NSUN6: variants seen among roughly 807,000 people sequenced by gnomAD.
The protein encoded by NSUN6 is NOP2/Sun RNA methyltransferase 6, also known as tRNA (cytosine(72)-C(5))-methyltransferase NSUN6.
In NSUN6, 64 loss-of-function variants were observed where a neutral mutation model predicts 58.0. That is an observed-to-expected ratio of 1.10 (90% CI 0.90 to 1.36). The LOEUF (loss-of-function observed/expected upper bound fraction) is 1.36. Among genes scored for constraint, NSUN6 ranks in the 40% most tolerant of loss-of-function variants. NSUN6 has a pLI of 0.00. For synonymous variants in NSUN6, 231 were observed against 193.9 expected, an observed-to-expected ratio of 1.19 and a Z score of -1.59; for missense variants, 701 against 550.1, an observed-to-expected ratio of 1.27 and a Z score of -2.74.
At chr10:18,568,632 A>C (rs1020131901) in intron 8 of NSUN6, among the ~76,000 whole-genome samples, 8 of 147,578 alleles carry the variant, frequency 5.4e-5, no homozygotes, top group Admixed American at 4.8e-4. Flanking sequence ...TCTCCATTCC[A>C]TTCCATTCTC....
rs771964728 is a variant in NSUN6 at position 18,596,170 on chromosome 10, C to G, written c.777+38G>C. ...GAAATTACACATTGTGAAATATACA[C>G]TACTTTGAGAGTGGATTTGCTGTGA... On this transcript the variant is annotated intron_variant, in intron 7 of 10. Coordinates refer to ENST00000377304, the MANE Select transcript of NSUN6 (RefSeq NM_182543.5). 7 of 1,557,110 alleles carry G rather than the reference C, an allele frequency of 4.5e-6. No homozygotes were observed. In the South Asian group the frequency reaches 7.8e-5, roughly 17 times the overall value.
chr10:18,606,944 A>G (rs971264966), intron 6 of NSUN6, among the ~76,000 whole-genome samples: 1 of 152,170 alleles, frequency 6.6e-6, no homozygotes, highest in Admixed American at 6.5e-5. Flanking sequence ...CATCTTCCAT[A>G]TTAGATCTAA....
At position 18,607,980 on chromosome 10, in the gene NSUN6, C is replaced by G. The variant is rs960917220; in HGVS notation, c.657+1865G>C. Among the ~76,000 whole-genome samples, 57 of 152,178 alleles carry G rather than the reference C, an allele frequency of 3.7e-4. 2 individuals are homozygous for G. On this transcript the variant is annotated intron_variant, in intron 6 of 10. Transcript: ENST00000377304. ...AGCTCAGTACATGGACTACAATAAG[C>G]AGTCAGTGTTAGCTGTGATTACCAT...
chr10:18,560,010 G>A (rs914041173), intron 8 of NSUN6, among the ~76,000 whole-genome samples: 8 of 149,828 alleles, frequency 5.3e-5, no homozygotes, highest in Non-Finnish European at 8.9e-5. Context: ...GGAATGCAAT[G>A]GAGAATGGAA....
intron 7 of NSUN6, among the ~76,000 whole-genome samples, chr10:18,591,856 A>G (rs11492557): frequency 0.048 from 7,377 of 152,254 alleles, 275 homozygotes; most frequent in Non-Finnish European, 0.077. Flanking sequence ...TAGTATTGGA[A>G]GCTCTGGCCA....
At chr10:18,602,931 G>C (rs988682451) in intron 6 of NSUN6, among the ~76,000 whole-genome samples, 1 of 152,160 alleles carries the variant, frequency 6.6e-6, no homozygotes, top group African/African-American at 2.4e-5. Context: ...GCTAATATCA[G>C]ACTAATAAAC....
intron 6 of NSUN6, among the ~76,000 whole-genome samples, chr10:18,604,865 G>A (rs572140606): frequency 1.3e-5 from 2 of 151,144 alleles, no homozygotes; most frequent in African/African-American, 4.8e-5. Context: ...CAGCCTGGGT[G>A]ACAGAGCAAG....
chr10:18,609,251 C>G (rs1450275147), intron 6 of NSUN6, among the ~76,000 whole-genome samples: 1 of 152,110 alleles, frequency 6.6e-6, no homozygotes, highest in South Asian at 2.1e-4. Context: ...TTTGAGGTTA[C>G]AGTGAGCTAC....
At chr10:18,610,294 G>C (rs1410581978) in intron 5 of NSUN6, among the ~76,000 whole-genome samples, 1 of 152,074 alleles carries the variant, frequency 6.6e-6, no homozygotes, top group Non-Finnish European at 1.5e-5. Context: ...GTTGCAGTGA[G>C]CCAAGATCGC....
At chr10:18,596,834 T>C (rs1407072732) in intron 6 of NSUN6, among the ~76,000 whole-genome samples, 3 of 152,182 alleles carry the variant, frequency 2.0e-5, no homozygotes, top group Non-Finnish European at 2.9e-5. Context: ...AATCTCAGCA[T>C]TGTTCACTTT....
At chr10:18,548,758 A>G (rs1206270104) in intron 9 of NSUN6, among the ~76,000 whole-genome samples, 1 of 152,104 alleles carries the variant, frequency 6.6e-6, no homozygotes, top group African/African-American at 2.4e-5. Flanking sequence ...TTTCTATAAT[A>G]CTATCAAACT....
chr10:18,609,180 G>A (rs1001737900), intron 6 of NSUN6, among the ~76,000 whole-genome samples: 5 of 152,094 alleles, frequency 3.3e-5, no homozygotes, highest in African/African-American at 1.2e-4. Flanking sequence ...GCATAGTAGT[G>A]CACACCTGTG....
intron 1 of NSUN6, among the ~76,000 whole-genome samples, chr10:18,650,547 G>A (rs998674182): frequency 2.6e-5 from 4 of 152,128 alleles, no homozygotes; most frequent in Non-Finnish European, 5.9e-5. Context: ...ATGTGCCTGA[G>A]ATTCAAAAGC....
intron 3 of NSUN6, among the ~76,000 whole-genome samples, chr10:18,625,746 A>G (rs1259227764): frequency 2.7e-5 from 4 of 148,036 alleles, no homozygotes; most frequent in Non-Finnish European, 6.0e-5. Context: ...AAAAAAAAAA[A>G]AAGATAAAGA....
chr10:18,628,495 T>A (rs920224410), intron 3 of NSUN6, among the ~76,000 whole-genome samples: 13 of 152,260 alleles, frequency 8.5e-5, no homozygotes, highest in African/African-American at 2.6e-4. Context: ...GCATTGAAGT[T>A]GAAAACTTTG....
chr10:18,609,904 C>T lies in NSUN6; in HGVS notation c.598G>A (p.Glu200Lys). 2 of 1,602,034 alleles carry T rather than the reference C, an allele frequency of 1.2e-6. No homozygotes were observed. Among genetic ancestry groups the T allele is most frequent in the Non-Finnish European group, 8.6e-7 (1 of 1,169,164 alleles). ...ELKGMGIRMT[E>K]PVYLSPSFDS... The stretch of plus-strand genomic sequence containing the variant: ...AATGAAGGGCTGAGATATACTGGTT[C>T]TGTCATTCTTATGCCCATGCCTCTG... The change falls in exon 6 of 11, where the codon GAA (glutamate) becomes AAA (lysine). Residue 200 changes from glutamate (E) to lysine (K), a missense_variant. Physicochemically the swap from Glu to Lys is moderately conservative, Grantham distance 56. Transcript: ENST00000377304.
intron 8 of NSUN6, among the ~76,000 whole-genome samples, chr10:18,567,541 T>G (rs2056051378): frequency 6.6e-6 from 1 of 150,876 alleles, no homozygotes; most frequent in Non-Finnish European, 1.5e-5. Flanking sequence ...CCGTTCTCCA[T>G]TCCATTCTCT....
chr10:18,604,567 G>C (rs1265831407), intron 6 of NSUN6, among the ~76,000 whole-genome samples: 1 of 151,976 alleles, frequency 6.6e-6, no homozygotes, highest in Non-Finnish European at 1.5e-5. Flanking sequence ...AATCCCACAA[G>C]ATTTTTATTA....
At chr10:18,656,003 C>G (rs1315387183), upstream of NSUN6, among the ~76,000 whole-genome samples, 3 of 152,168 alleles carry the variant, frequency 2.0e-5, no homozygotes, top group African/African-American at 7.2e-5. Flanking sequence ...TCTTTGTAAA[C>G]ATAAAGCAAC....
Sources: allele counts gnomAD v4.1 joint callset (sites outside exome capture counted in the v4.1 genomes callset), GRCh38; gene constraint gnomAD v4.1.1; transcripts MANE v1.5; gene names NCBI Gene and HGNC (gene_info 2026-07-23, HGNC 2026-07-21).